IQANK1: variants seen among roughly 807,000 people sequenced by gnomAD.
IQANK1 encodes the protein IQ motif and ankyrin repeat domain-containing protein 1.
In IQANK1, 30 loss-of-function variants were observed where a neutral mutation model predicts 22.6. The ratio of observed to expected loss-of-function variants is 1.33; its 90% CI spans 0.99 to 1.80. The LOEUF is 1.80. Ranked by LOEUF, IQANK1 falls within the 40% of genes most tolerant of loss-of-function variation. The pLI, the probability that IQANK1 is intolerant of heterozygous loss-of-function variation, is 0.00. For synonymous variants in IQANK1, 122 were observed against 99.6 expected, an observed-to-expected ratio of 1.23 and a Z score of -1.34; for missense variants, 275 against 235.2, an observed-to-expected ratio of 1.17 and a Z score of -1.11.
intron 3 of IQANK1, chr8:143,743,858 A>C (rs1554626944): frequency 2.4e-6 from 1 of 423,842 alleles, no homozygotes; most frequent in Non-Finnish European, 4.6e-6. Context: ...TTTTTTTTTG[A>C]GATGGAGTTT....
rs1346393689 is a variant in IQANK1, at chr8:143,735,908, C to T, written c.55C>T (p.His19Tyr). The T allele has an allele frequency of 3.1e-5, 22 of 702,492 alleles. No homozygotes were observed. Among genetic ancestry groups the T allele is most frequent in the Non-Finnish European group, 3.6e-5 (14 of 384,928 alleles). 43.5% of individuals were successfully genotyped at this position (702,492 alleles called of 1,614,324 possible). A position where few individuals can be genotyped will look rare whatever the true frequency, so the allele number is the denominator to read the frequency against. ...TGCAGCTGGGAAGTGGCAGACGCTCCACCCTGGGCCCAAGACAAGAGCTGC... is the reference window on the plus strand; with the variant it reads ...TGCAGCTGGGAAGTGGCAGACGCTCTACCCTGGGCCCAAGACAAGAGCTGC... Reference protein sequence around the residue: ...KAAAGKWQTLHPGPKTRAAAG... With the variant: ...KAAAGKWQTLYPGPKTRAAAG... The change falls in exon 2 of 14, where the codon CAC becomes TAC. Residue 19 changes from histidine (H) to tyrosine (Y), a missense_variant. Physicochemically the swap from His to Tyr is moderately conservative, Grantham distance 83 (BLOSUM62 2). Transcript: ENST00000527139. The surrounding 1 kb of genome is among the most constrained non-coding windows in gnomAD (Gnocchi z 5.2).
chr8:143,788,893 G>A (rs1321700492), intron 7 of IQANK1, 22 bp from the exon 8 acceptor site: 8 of 398,898 alleles, frequency 2.0e-5, no homozygotes, highest in Middle Eastern at 1.2e-3. Flanking sequence ...CTGAGGGCCC[G>A]ACAAATGTCG....
In IQANK1 at chr8:143,771,556, C is replaced by T; in HGVS notation, c.244C>T (p.Leu82Phe). The T allele has an allele frequency of 5.0e-6, 2 of 398,296 alleles. No individual in the cohort carries two copies. The highest frequency in any genetic ancestry group is 8.9e-6 in the Non-Finnish European group (2 of 225,850). 24.7% of individuals were successfully genotyped at this position (398,296 alleles called of 1,614,324 possible). ...AFRQLRARRE[L>F]ARRREERREY... ...CCGGCAGCTCCGGGCCAGGAGGGAG[C>T]TCGCCCGCCGCCGGGAGGAGCGCCG... Residue 82 changes from leucine (L) to phenylalanine (F), a missense_variant, in exon 4 of 14, where the codon CTC becomes TTC. Leu to Phe is a conservative substitution (Grantham distance 22, BLOSUM62 0). Transcript: ENST00000527139. The surrounding 1 kb of genome is among the most constrained non-coding windows in gnomAD (Gnocchi z 6.0).
In IQANK1 at chr8:143,771,189, C is replaced by A. The variant is rs1415261429; in HGVS notation, c.176-299C>A. Among the ~76,000 whole-genome samples the A allele has an allele frequency of 3.3e-5, 5 of 152,200 alleles. No individual in the cohort carries two copies. The highest frequency in any genetic ancestry group is 1.2e-4 in the African/African-American group (5 of 41,462). On this transcript the variant is annotated intron_variant, in intron 3 of 13. Transcript: ENST00000527139. This position sits in a 1 kb window ranked among gnomAD's most constrained non-coding sequence, Gnocchi z 6.0. ...GTCCCGCGGGGGACAGCACCCCTTCCTCACCGTTCCTCGGGGCTCCCGAGC... is the reference window on the plus strand; with the variant it reads ...GTCCCGCGGGGGACAGCACCCCTTCATCACCGTTCCTCGGGGCTCCCGAGC...
At chr8:143,751,596 A>G (rs1819188059) in intron 3 of IQANK1, among the ~76,000 whole-genome samples, 1 of 144,980 alleles carries the variant, frequency 6.9e-6, no homozygotes, top group Non-Finnish European at 1.5e-5. Context: ...TGGGCAACAG[A>G]GCGAGACTTC....
chr8:143,751,234 G>T (rs1167842046), intron 3 of IQANK1, among the ~76,000 whole-genome samples: 2 of 151,906 alleles, frequency 1.3e-5, no homozygotes, highest in Non-Finnish European at 2.9e-5. Flanking sequence ...AAATGCACTG[G>T]TCTCTTAAAT....
At chr8:143,741,979 C>T (rs1818927393) in intron 3 of IQANK1, 2 of 242,962 alleles carry the variant, frequency 8.2e-6, no homozygotes, top group Middle Eastern at 1.6e-3. Context: ...CCATTCCTGC[C>T]CCCATGCCAC....
In IQANK1 at chr8:143,772,361, C is replaced by T. The variant is rs1563777052; in HGVS notation, c.668C>T (p.Ala223Val). ...ELGASPNSKG[A>V]FGPTPLYRAA... Reference sequence around the variant, plus strand: ...CTCGGGGGGCCCGTCTTGCAGGGCGCTTTCGGTCCGACGCCGCTGTACCGT... The same window carrying T: ...CTCGGGGGGCCCGTCTTGCAGGGCGTTTTCGGTCCGACGCCGCTGTACCGT... Residue 223 changes from alanine (A) to valine (V), a missense_variant, in exon 7 of 14, where the codon GCT becomes GTT. Physicochemically the swap from Ala to Val is moderately conservative, Grantham distance 64. Transcript: ENST00000527139. The T allele has an allele frequency of 2.5e-6, 1 of 398,998 alleles. No homozygotes were observed. Among genetic ancestry groups the T allele is most frequent in the Non-Finnish European group, 4.4e-6 (1 of 226,190 alleles). The allele number at this position is 398,998 out of a possible 1,614,324, so 24.7% of individuals were successfully genotyped here.
chr8:143,768,182 T>G (rs1819512439), intron 3 of IQANK1, among the ~76,000 whole-genome samples: 1 of 151,726 alleles, frequency 6.6e-6, no homozygotes, highest in Admixed American at 6.6e-5. Context: ...TGTGTCCGGC[T>G]GAGGCTCTGT....
intron 7 of IQANK1, among the ~76,000 whole-genome samples, chr8:143,787,352 C>T (rs1303327561): frequency 6.6e-6 from 1 of 152,120 alleles, no homozygotes; most frequent in Non-Finnish European, 1.5e-5. Context: ...ATCAGGTGGC[C>T]GTGGAGGTGA....
At chr8:143,740,324 A>G (rs1383795553) in intron 3 of IQANK1, among the ~76,000 whole-genome samples, 8 of 152,130 alleles carry the variant, frequency 5.3e-5, no homozygotes, top group Non-Finnish European at 1.0e-4. Context: ...AGGTGGCAGG[A>G]AACGGGGCCC....
At chr8:143,778,038 C>CA (rs1554630618) in intron 7 of IQANK1, among the ~76,000 whole-genome samples, 1 of 151,846 alleles carries the variant, frequency 6.6e-6, no homozygotes, top group Non-Finnish European at 1.5e-5. Flanking sequence ...ACTAAAAATA[C>CA]AAAAAAATTA....
chr8:143,775,709 C>T (rs1563778274), intron 7 of IQANK1, among the ~76,000 whole-genome samples: 1 of 151,196 alleles, frequency 6.6e-6, no homozygotes, highest in Non-Finnish European at 1.5e-5. Context: ...TTGCAGTGAG[C>T]TGAGATCGCG....
intron 3 of IQANK1, among the ~76,000 whole-genome samples, chr8:143,770,185 GT>G (rs531613032): frequency 2.4e-4 from 37 of 152,338 alleles, no homozygotes; most frequent in Non-Finnish European, 5.0e-4. Context: ...AAAACATTTT[GT>G]TTTGAGGCTT....
At chr8:143,764,163 G>C (rs1563774711) in intron 3 of IQANK1, among the ~76,000 whole-genome samples, 2 of 152,044 alleles carry the variant, frequency 1.3e-5, no homozygotes, top group African/African-American at 4.8e-5. Context: ...CGGCGGCAGA[G>C]GATTCCACCT....
chr8:143,763,073 G>A (rs1304326408), intron 3 of IQANK1, among the ~76,000 whole-genome samples: 1 of 151,220 alleles, frequency 6.6e-6, no homozygotes, highest in Non-Finnish European at 1.5e-5. Context: ...CTGGAGTGCA[G>A]TGGTGCGATC....
At chr8:143,761,594 A>AC (rs1819398795) in intron 3 of IQANK1, among the ~76,000 whole-genome samples, 1 of 151,942 alleles carries the variant, frequency 6.6e-6, no homozygotes, top group Non-Finnish European at 1.5e-5. Flanking sequence ...ACATAGTAAG[A>AC]CCCCAGCTCT....
chr8:143,735,963 A>G lies in IQANK1; in HGVS notation c.85+25A>G, dbSNP rs1554625614. 7.1e-6 allele frequency: 5 copies of G among 702,274 alleles called. No homozygotes were observed. The highest frequency in any genetic ancestry group is 1.3e-5 in the Non-Finnish European group (5 of 384,838). 43.5% of individuals were successfully genotyped at this position (702,274 alleles called of 1,614,324 possible). ...GGTAAGTGCACCCTCTGACCTCCAG[A>G]GCACTGTCACCCAGACACTGACCTG... On this transcript the variant is annotated intron_variant, in intron 2 of 13. Coordinates refer to ENST00000527139, the MANE Select transcript of IQANK1 (RefSeq NM_001381874.1). This position sits in a 1 kb window ranked among gnomAD's most constrained non-coding sequence, Gnocchi z 5.2.
chr8:143,743,097 A>G (rs958132548), intron 3 of IQANK1: 8 of 449,170 alleles, frequency 1.8e-5, no homozygotes, highest in Non-Finnish European at 2.7e-5. Flanking sequence ...CCAGCTCTGC[A>G]GGGTAGCCAC....
Sources: allele counts gnomAD v4.1 joint callset (sites outside exome capture counted in the v4.1 genomes callset), GRCh38; gene constraint gnomAD v4.1.1; non-coding constraint Gnocchi (gnomAD v3.1); transcripts MANE v1.5; gene names NCBI Gene and HGNC (gene_info 2026-07-23, HGNC 2026-07-21).